Variants in TMBIM1 observed in about 807,000 individuals in gnomAD.
TMBIM1 encodes the protein transmembrane BAX inhibitor motif containing 1.
In TMBIM1, 34 loss-of-function variants were observed where a neutral mutation model predicts 45.1. That is an observed-to-expected ratio of 0.75 (90% CI 0.57 to 1.00). The LOEUF is 1.00. TMBIM1 is among the 50% of genes least tolerant of loss of function. The pLI is 0.00. For missense variants in TMBIM1, 374 were observed against 402.4 expected, an observed-to-expected ratio of 0.93 and a Z score of 0.60; for synonymous variants, 157 against 153.5, an observed-to-expected ratio of 1.02 and a Z score of -0.17.
At chr2:218,286,695 T>C (rs1487891939) in intron 1 of TMBIM1, 1 of 152,284 alleles carries the variant, frequency 6.6e-6, no homozygotes, top group African/African-American at 2.4e-5. Context: ...GGGGCTCTCC[T>C]GGGGGTATTT....
chr2:218,288,491 T>G (rs532513247), intron 1 of TMBIM1, among the ~76,000 whole-genome samples: 25 of 152,278 alleles, frequency 1.6e-4, no homozygotes, highest in African/African-American at 5.5e-4. Flanking sequence ...TTGAACCACT[T>G]CCAGTACTTA....
intron 3 of TMBIM1, 103 bp from the exon 4 acceptor site, chr2:218,279,456 A>G: frequency 9.1e-7 from 1 of 1,097,890 alleles, no homozygotes; most frequent in Non-Finnish European, 1.3e-6. Context: ...AACCCTCCCT[A>G]GCTGCAGCCT....
At chr2:218,290,044 G>C (rs192397187) in intron 1 of TMBIM1, 6 of 152,158 alleles carry the variant, frequency 3.9e-5, no homozygotes, top group Non-Finnish European at 7.3e-5. Context: ...CAGCCCACGT[G>C]GGGGAAAGGA....
intron 1 of TMBIM1, among the ~76,000 whole-genome samples, chr2:218,288,054 A>C (rs1403301887): frequency 6.6e-6 from 1 of 152,212 alleles, no homozygotes; most frequent in African/African-American, 2.4e-5. Context: ...TCTTTGTTTC[A>C]TCTCCTGTCT....
chr2:218,278,696 G>T, intron 5 of TMBIM1, 131 bp from the exon 6 acceptor site: 1 of 981,662 alleles, frequency 1.0e-6, no homozygotes, highest in Non-Finnish European at 1.6e-6. Context: ...CAGGAAGCAA[G>T]AACGAGATTA....
Position 218,277,089 on chromosome 2 carries a change from G to A in TMBIM1, c.650C>T (p.Thr217Ile), listed in dbSNP as rs190177860. The A allele has an allele frequency of 7.4e-6, 12 of 1,614,116 alleles. No individual in the cohort carries two copies. Among genetic ancestry groups the A allele is most frequent in the Admixed American group, 1.7e-5 (1 of 60,012 alleles). ...IFCFQTKVDFTSCTGLFCVLG... is the reference protein window; with the variant it reads ...IFCFQTKVDFISCTGLFCVLG... ...GACACAGAAGAGGCCTGTGCACGAG[G>A]TGAAGTCCACCTGCCAGGAAGCAAG... The change falls in exon 10 of 12, where the codon ACC becomes ATC. Residue 217 changes from threonine to isoleucine, a missense_variant. Thr to Ile is a moderately conservative substitution (Grantham distance 89). Transcript: ENST00000258412.
intron 3 of TMBIM1, 154 bp from the exon 4 acceptor site, chr2:218,279,507 A>T (rs4674282): frequency 0.37 from 219,565 of 590,460 alleles, 41,988 homozygotes; most frequent in Middle Eastern, 0.49. Context: ...GCTCAGAGGC[A>T]ATGTGCACTT....
At chr2:218,286,495 A>C (rs2382817) in intron 1 of TMBIM1, 92,741 of 151,968 alleles carry the variant, frequency 0.61, 28,373 homozygotes, top group South Asian at 0.64. Flanking sequence ...CTCCTCTCTC[A>C]GGGCCCCAGT....
chr2:218,278,255 G>A (rs1341497745), intron 6 of TMBIM1: 11 of 604,508 alleles, frequency 1.8e-5, no homozygotes, highest in Non-Finnish European at 2.9e-5. Context: ...CAGCCTCTTT[G>A]AGCCTCGGGT....
chr2:218,288,390 C>T (rs1692695624), intron 1 of TMBIM1, among the ~76,000 whole-genome samples: 1 of 152,042 alleles, frequency 6.6e-6, no homozygotes, highest in South Asian at 2.1e-4. Context: ...AATGGCGCCA[C>T]TGCACTCCAG....
chr2:218,290,596 G>C (rs968727972), intron 1 of TMBIM1, among the ~76,000 whole-genome samples: 1 of 152,180 alleles, frequency 6.6e-6, no homozygotes, highest in Non-Finnish European at 1.5e-5. Context: ...AGGGCCGGGG[G>C]ACATATCCAG....
At chr2:218,289,060 A>G (rs1269796494) in intron 1 of TMBIM1, among the ~76,000 whole-genome samples, 2 of 152,268 alleles carry the variant, frequency 1.3e-5, no homozygotes, top group African/African-American at 2.4e-5. Context: ...CTTTGCTTTT[A>G]TATCAGGCAG....
At position 218,276,794 on chromosome 2, in the gene TMBIM1, C is replaced by G. The variant is rs193207428; in HGVS notation, c.735+210G>C. On this transcript the variant is annotated intron_variant, in intron 10 of 11. Coordinates refer to ENST00000258412, the MANE Select transcript of TMBIM1 (RefSeq NM_022152.6). The stretch of plus-strand genomic sequence containing the variant: ...GTGATGCAGTCCAGGGCTTCAGGTG[C>G]TCTGGCTCCAAGGCCGCCCATCTCC... 1.8e-4 allele frequency among the ~76,000 whole-genome samples: 27 copies of G among 152,272 alleles called. No homozygotes were observed. In the East Asian group the frequency reaches 4.5e-3, roughly 25 times the overall value.
chr2:218,284,532 G>T (rs997237164), intron 1 of TMBIM1, among the ~76,000 whole-genome samples: 3 of 152,220 alleles, frequency 2.0e-5, no homozygotes, highest in African/African-American at 4.8e-5. Context: ...CAGCTCAGCG[G>T]GTGCTGACTC....
chr2:218,277,813 G>A lies in TMBIM1; in HGVS notation c.513+122C>T, dbSNP rs936188472. On this transcript the variant is annotated intron_variant, in intron 7 of 11. Coordinates refer to ENST00000258412, the MANE Select transcript of TMBIM1 (RefSeq NM_022152.6). ...GCAGCCACAGAGGAGATCAGAACAG[G>A]CGGCCCAGATAAGGTGGAGGAGACA... 15 of 1,546,084 alleles carry A rather than the reference G, an allele frequency of 9.7e-6. No homozygotes were observed. In the African/African-American group the frequency reaches 1.8e-4, roughly 18 times the overall value.
chr2:218,292,437 A>ACGGCGC (rs911219271), intron 1 of TMBIM1, 29 bp downstream of exon 1: 2 of 152,210 alleles, frequency 1.3e-5, no homozygotes, highest in African/African-American at 2.4e-5. Context: ...ACAGTCCCCA[A>ACGGCGC]CGGCGCCGGC....
rs776096607 is a variant in TMBIM1 at position 218,278,016 on chromosome 2, C to T, written c.474-42G>A. 3 of 1,611,526 alleles carry T rather than the reference C, an allele frequency of 1.9e-6. No homozygotes were observed. In the East Asian group the frequency reaches 6.7e-5, roughly 36 times the overall value. ...GCCTTGATTAAATGACTTGGGGCCC[C>T]TCAGGCGTCAGAGGCTCCTACAGCA... is the stretch of plus-strand genomic sequence containing the variant. On this transcript the variant is annotated intron_variant, in intron 6 of 11. Coordinates refer to ENST00000258412, the MANE Select transcript of TMBIM1 (RefSeq NM_022152.6).
chr2:218,279,100 C>T lies in TMBIM1; in HGVS notation c.369-9G>A. The T allele has an allele frequency of 2.5e-6, 4 of 1,614,110 alleles. No individual in the cohort carries two copies. The highest frequency in any genetic ancestry group is 3.4e-6 in the Non-Finnish European group (4 of 1,179,996). ...AGGCGCTGACAGGTTCCCTGTGGGGCACAGGAGGACAGGAGTAGTCACCCT... is the reference window on the plus strand; with the variant it reads ...AGGCGCTGACAGGTTCCCTGTGGGGTACAGGAGGACAGGAGTAGTCACCCT... On this transcript the variant is annotated splice_polypyrimidine_tract_variant and intron_variant, in intron 4 of 11. Transcript: ENST00000258412.
chr2:218,277,308 C>A, intron 9 of TMBIM1, 58 bp downstream of exon 9: 1 of 1,514,420 alleles, frequency 6.6e-7, no homozygotes, highest in South Asian at 1.1e-5. Context: ...GTGCCGGGGT[C>A]CGGGCCTGAT....
Sources: allele counts gnomAD v4.1 joint callset (sites outside exome capture counted in the v4.1 genomes callset), GRCh38; gene constraint gnomAD v4.1.1; transcripts MANE v1.5; gene names NCBI Gene and HGNC (gene_info 2026-07-23, HGNC 2026-07-21).